RARB: variants seen among roughly 807,000 people sequenced by gnomAD.
RARB encodes retinoic acid receptor beta, also known as HBV-activated protein.
RARB carries 17 observed loss-of-function variants against 51.9 expected under a neutral mutation model. The ratio of observed to expected loss-of-function variants is 0.33; its 90% CI spans 0.22 to 0.49. RARB has a LOEUF of 0.49. Ranked by LOEUF, RARB falls within the 20% of genes least tolerant of loss-of-function variation. The probability of loss-of-function intolerance (pLI) is 0.99; values close to 1 mark genes in which losing one functional copy is unlikely to be tolerated. For missense variants in RARB, 369 were observed against 550.8 expected, an observed-to-expected ratio of 0.67 and a Z score of 3.30; for synonymous variants, 215 against 195.4, an observed-to-expected ratio of 1.10 and a Z score of -0.84.
chr3:25,485,786 C>A (rs954705228), intron 2 of RARB, among the ~76,000 whole-genome samples: 1 of 152,122 alleles, frequency 6.6e-6, no homozygotes, highest in Non-Finnish European at 1.5e-5. Context: ...CACTCTGGTT[C>A]CCTTCGGGAA....
chr3:25,433,198 T>A (rs1708278320), intron 1 of RARB, among the ~76,000 whole-genome samples: 1 of 152,184 alleles, frequency 6.6e-6, no homozygotes. Context: ...ATCATGTATC[T>A]CTGATTTTCT....
chr3:25,072,631 T>C (rs867229878), intron 3 of RARB, among the ~76,000 whole-genome samples: 2 of 152,178 alleles, frequency 1.3e-5, no homozygotes, highest in African/African-American at 4.8e-5. Flanking sequence ...AGAACCTCAC[T>C]GGGTTCTATT....
intron 5 of RARB, among the ~76,000 whole-genome samples, chr3:25,584,533 C>T (rs894991729): frequency 6.6e-6 from 1 of 152,034 alleles, no homozygotes; most frequent in African/African-American, 2.4e-5. Flanking sequence ...GTGTGTGAGT[C>T]GTGGGGAGCC....
intron 5 of RARB, among the ~76,000 whole-genome samples, chr3:25,224,404 GA>G (rs1702009866): frequency 6.6e-6 from 1 of 152,118 alleles, no homozygotes; most frequent in Non-Finnish European, 1.5e-5. Flanking sequence ...CAAAGCAAGA[GA>G]AACATACAAA....
intron 2 of RARB, among the ~76,000 whole-genome samples, chr3:25,043,149 C>T (rs914536287): frequency 1.3e-5 from 2 of 152,180 alleles, no homozygotes; most frequent in African/African-American, 2.4e-5. Context: ...ATCACTTTCT[C>T]TTTCATCTTT....
chr3:24,990,904 A>C lies in RARB; in HGVS notation c.-379-69221A>C, dbSNP rs375768545. Among the ~76,000 whole-genome samples, 29 of 152,340 alleles carry C rather than the reference A, an allele frequency of 1.9e-4. No homozygotes were observed. The South Asian group carries it at 6.0e-3, about 32-fold the overall frequency. ...TCATTAAATAGTAAAGCAAAGTTTA[A>C]AATTTTGGCCTATAAAGGTCTTGGA... On this transcript the variant is annotated intron_variant, in intron 2 of 11. Transcript: ENST00000383772.
chr3:25,306,283 T>C lies in RARB; in HGVS notation c.178+131708T>C, dbSNP rs368933903. Among the ~76,000 whole-genome samples the C allele has an allele frequency of 3.7e-4, 56 of 152,156 alleles. 1 individual carries two copies. The highest frequency in any genetic ancestry group is 1.1e-3 in the African/African-American group (44 of 41,438). On this transcript the variant is annotated intron_variant, in intron 5 of 11. Transcript: ENST00000383772. ...CTGCCTGAAAGGGATATAGGAGTTA[T>C]TGGGTAATCAGGACTTGTCAGCACC... is the stretch of plus-strand genomic sequence containing the variant.
chr3:25,006,159 C>T (rs1396942546), intron 2 of RARB, among the ~76,000 whole-genome samples: 2 of 152,074 alleles, frequency 1.3e-5, no homozygotes, highest in Admixed American at 6.6e-5. Context: ...AAATAGTGTC[C>T]CTCCAGCTTA....
chr3:25,261,019 A>G (rs1481237973), intron 5 of RARB, among the ~76,000 whole-genome samples: 1 of 152,170 alleles, frequency 6.6e-6, no homozygotes, highest in Non-Finnish European at 1.5e-5. Flanking sequence ...CTTTATCTGT[A>G]AAATGAGGCT....
rs556828617 is a variant in RARB, at chr3:25,207,268, C to G, written c.178+32693C>G. Among the ~76,000 whole-genome samples, 230 of 152,072 alleles carry G rather than the reference C, an allele frequency of 1.5e-3. 1 individual carries two copies. Among genetic ancestry groups the G allele is most frequent in the African/African-American group, 5.4e-3 (224 of 41,488 alleles). ...TTTTGAGTCTTTACTGAGAAAATCTCTGTGATCCTCCCCTGTGCCCATCTA... is the reference window on the plus strand; with the variant it reads ...TTTTGAGTCTTTACTGAGAAAATCTGTGTGATCCTCCCCTGTGCCCATCTA... On this transcript the variant is annotated intron_variant, in intron 5 of 11. Transcript: ENST00000383772.
At chr3:25,368,766 C>A (rs1703842347) in intron 5 of RARB, among the ~76,000 whole-genome samples, 1 of 152,180 alleles carries the variant, frequency 6.6e-6, no homozygotes, top group Non-Finnish European at 1.5e-5. Flanking sequence ...CCAGTGCTGG[C>A]CTGGAGTCAG....
intron 5 of RARB, among the ~76,000 whole-genome samples, chr3:25,252,355 T>G (rs1297685567): frequency 6.6e-6 from 1 of 152,148 alleles, no homozygotes; most frequent in Non-Finnish European, 1.5e-5. Flanking sequence ...ATATATAAAT[T>G]TTAGGATCAG....
intron 1 of RARB, among the ~76,000 whole-genome samples, chr3:24,838,308 T>A (rs980757899): frequency 1.3e-5 from 2 of 152,174 alleles, no homozygotes; most frequent in African/African-American, 2.4e-5. Context: ...TCTCCTTTTT[T>A]AAGGTCAATT....
intron 3 of RARB, among the ~76,000 whole-genome samples, chr3:25,098,258 A>T (rs1172547672): frequency 6.6e-6 from 1 of 152,120 alleles, no homozygotes; most frequent in African/African-American, 2.4e-5. Context: ...CTAGGACAGG[A>T]ATTCTTTCAG....
chr3:25,362,998 T>A (rs1052759180), intron 5 of RARB, among the ~76,000 whole-genome samples: 1 of 152,146 alleles, frequency 6.6e-6, no homozygotes, highest in African/African-American at 2.4e-5. Flanking sequence ...TTCAATCGAT[T>A]TACAGGTCCT....
At chr3:24,934,377 T>C (rs983128806) in intron 2 of RARB, among the ~76,000 whole-genome samples, 1 of 152,130 alleles carries the variant, frequency 6.6e-6, no homozygotes, top group Non-Finnish European at 1.5e-5. Context: ...CTGGTAAGAA[T>C]AGCTCTTTTT....
At chr3:25,274,739 G>C in intron 5 of RARB, among the ~76,000 whole-genome samples, 1 of 152,132 alleles carries the variant, frequency 6.6e-6, no homozygotes, top group East Asian at 1.9e-4. Flanking sequence ...CTTATTCTGG[G>C]ACCAGCAGCT....
At chr3:25,400,857 C>T (rs1177217717) in intron 5 of RARB, among the ~76,000 whole-genome samples, 1 of 151,210 alleles carries the variant, frequency 6.6e-6, no homozygotes, top group Non-Finnish European at 1.5e-5. Flanking sequence ...CTAGAAAAGC[C>T]AGACAATATA....
At chr3:24,955,385 C>T (rs982987911) in intron 2 of RARB, among the ~76,000 whole-genome samples, 1 of 151,918 alleles carries the variant, frequency 6.6e-6, no homozygotes, top group Non-Finnish European at 1.5e-5. Flanking sequence ...TGGGGCAGGC[C>T]AAAAAAGGCA....
Sources: allele counts gnomAD v4.1 joint callset (sites outside exome capture counted in the v4.1 genomes callset), GRCh38; gene constraint gnomAD v4.1.1; transcripts MANE v1.5; gene names NCBI Gene and HGNC (gene_info 2026-07-23, HGNC 2026-07-21).